TMEM267: variants seen among roughly 807,000 people sequenced by gnomAD.
TMEM267 encodes transmembrane protein 267.
Under a neutral mutation model 19.3 loss-of-function variants are expected in TMEM267, and 20 were observed. That is an observed-to-expected ratio of 1.04 (90% CI 0.73 to 1.51). The LOEUF (loss-of-function observed/expected upper bound fraction) is 1.51, where lower values mean the gene tolerates loss of function less well. Among genes scored for constraint, TMEM267 ranks in the 40% most tolerant of loss-of-function variants. The pLI is 0.00. For synonymous variants in TMEM267, 88 were observed against 90.3 expected (o/e 0.97, Z 0.15); for missense variants, 242 against 261.9 (o/e 0.92, Z 0.52).
intron 2 of TMEM267, among the ~76,000 whole-genome samples, chr5:43,448,725 G>C (rs149344711): frequency 6.6e-6 from 1 of 151,814 alleles, no homozygotes; most frequent in African/African-American, 2.4e-5. Context: ...GAGGTGAGCT[G>C]AGATCATACC....
Position 43,453,935 on chromosome 5 carries a change from A to G in TMEM267, c.35T>C (p.Leu12Pro), listed in dbSNP as rs763098840. Residue 12 changes from leucine to proline, a missense_variant, in exon 2 of 3, where the codon CTG (leucine) becomes CCG (proline). Transcript: ENST00000397080. ...ASETEKTHAL[L>P]QTCSTESLIS... The stretch of plus-strand genomic sequence containing the variant: ...AAGAGATTCAGTGCTACAAGTCTGC[A>G]GTAAAGCATGGGTCTTTTCAGTCTC... 3.1e-6 allele frequency: 5 copies of G among 1,614,104 alleles called. No homozygotes were observed. In the South Asian group the frequency reaches 4.4e-5, roughly 14 times the overall value.
intron 2 of TMEM267, among the ~76,000 whole-genome samples, chr5:43,448,464 G>A (rs532203612): frequency 6.6e-6 from 1 of 152,206 alleles, no homozygotes; most frequent in Admixed American, 6.6e-5. Flanking sequence ...GCTAGTATAG[G>A]AGGAAAATCA....
chr5:43,449,365 T>C (rs971744436), intron 2 of TMEM267, among the ~76,000 whole-genome samples: 1 of 152,018 alleles, frequency 6.6e-6, no homozygotes, highest in Non-Finnish European at 1.5e-5. Flanking sequence ...ATAGCTGAAA[T>C]AGAATACAGG....
chr5:43,451,349 C>T (rs1742576885), intron 2 of TMEM267, among the ~76,000 whole-genome samples: 1 of 151,960 alleles, frequency 6.6e-6, no homozygotes, highest in Admixed American at 6.6e-5. Flanking sequence ...AAGTAGGGTT[C>T]ATTTGAAAAA....
chr5:43,471,731 G>A (rs963448302), intron 1 of TMEM267, among the ~76,000 whole-genome samples: 2 of 152,170 alleles, frequency 1.3e-5, no homozygotes, highest in Non-Finnish European at 2.9e-5. Context: ...GGGAAAACTA[G>A]ATATCTATAT....
intron 2 of TMEM267, among the ~76,000 whole-genome samples, chr5:43,452,889 A>G (rs1742697987): frequency 6.6e-6 from 1 of 152,214 alleles, no homozygotes; most frequent in Non-Finnish European, 1.5e-5. Context: ...GTTCTAGGCC[A>G]GGGGTGAATG....
At chr5:43,466,476 C>G (rs981464065) in intron 1 of TMEM267, among the ~76,000 whole-genome samples, 5 of 152,108 alleles carry the variant, frequency 3.3e-5, no homozygotes, top group Non-Finnish European at 5.9e-5. Flanking sequence ...TAAATCAACA[C>G]TAGACCTGTC....
chr5:43,468,798 A>G (rs926171098), intron 1 of TMEM267, among the ~76,000 whole-genome samples: 3 of 152,252 alleles, frequency 2.0e-5, no homozygotes, highest in African/African-American at 7.2e-5. Context: ...TCCTCAGCAC[A>G]TGGATATTCT....
At chr5:43,452,385 G>A (rs1029298552) in intron 2 of TMEM267, among the ~76,000 whole-genome samples, 2 of 152,062 alleles carry the variant, frequency 1.3e-5, no homozygotes, top group African/African-American at 2.4e-5. Context: ...ACTTGTAAGC[G>A]AGAGCTAAAC....
At chr5:43,459,940 TTAAA>T (rs1396395600) in intron 1 of TMEM267, among the ~76,000 whole-genome samples, 1 of 152,164 alleles carries the variant, frequency 6.6e-6, no homozygotes, top group Non-Finnish European at 1.5e-5. Flanking sequence ...TAATATATAA[TTAAA>T]TAATTACACA....
chr5:43,477,635 T>C (rs1035755647), intron 1 of TMEM267, among the ~76,000 whole-genome samples: 1 of 149,686 alleles, frequency 6.7e-6, no homozygotes, highest in African/African-American at 2.5e-5. Context: ...ACTGGTCCGA[T>C]GAAGATCTCC....
intron 1 of TMEM267, among the ~76,000 whole-genome samples, chr5:43,467,146 CAAAA>C (rs70994698): frequency 2.4e-4 from 12 of 49,012 alleles, no homozygotes; most frequent in African/African-American, 5.5e-4. Context: ...GAGACTCTGT[CAAAA>C]AAAAAAAAAA....
chr5:43,480,578 C>A (rs1385257422), intron 1 of TMEM267, among the ~76,000 whole-genome samples: 1 of 151,876 alleles, frequency 6.6e-6, no homozygotes, highest in Non-Finnish European at 1.5e-5. Flanking sequence ...CTGTCTCAGC[C>A]TCCCAAAGCA....
At chr5:43,477,816 A>G (rs1169298559) in intron 1 of TMEM267, among the ~76,000 whole-genome samples, 1 of 152,224 alleles carries the variant, frequency 6.6e-6, no homozygotes, top group Non-Finnish European at 1.5e-5. Context: ...CTGATTGGCT[A>G]AGTCTAGGTC....
chr5:43,477,996 T>C (rs1035784958), intron 1 of TMEM267, among the ~76,000 whole-genome samples: 3 of 152,230 alleles, frequency 2.0e-5, no homozygotes, highest in Admixed American at 6.5e-5. Context: ...TGACTTACGA[T>C]GGGTTTATCA....
At chr5:43,475,884 G>A (rs1263739786) in intron 1 of TMEM267, among the ~76,000 whole-genome samples, 2 of 152,186 alleles carry the variant, frequency 1.3e-5, no homozygotes, top group African/African-American at 4.8e-5. Context: ...ATTAAAAGAT[G>A]AAAAAGATCA....
rs931358139 is a variant in TMEM267, at chr5:43,468,257, G to A, written c.-74-14214C>T. Among the ~76,000 whole-genome samples the A allele has an allele frequency of 5.9e-5, 9 of 152,298 alleles. No homozygotes were observed. The South Asian group carries it at 6.2e-4, about 11-fold the overall frequency. ...AAGACTATTACAAGGTGAAAGACGC[G>A]GGGCTTTGGGCATTATCAATCAGAT... On this transcript the variant is annotated intron_variant, in intron 1 of 2. Transcript: ENST00000397080.
At chr5:43,458,565 G>A (rs1433380720) in intron 1 of TMEM267, among the ~76,000 whole-genome samples, 2 of 152,110 alleles carry the variant, frequency 1.3e-5, no homozygotes, top group Admixed American at 6.5e-5. Flanking sequence ...GGTAAGGGAC[G>A]CATATGTTCA....
At chr5:43,472,183 T>C (rs1475142324) in intron 1 of TMEM267, among the ~76,000 whole-genome samples, 2 of 152,160 alleles carry the variant, frequency 1.3e-5, no homozygotes, top group Non-Finnish European at 2.9e-5. Context: ...AACAGGCATA[T>C]GTAAAGGTGC....
Sources: gnomAD v4.1 joint callset for allele counts (sites outside exome capture counted in the v4.1 genomes callset) on GRCh38, gnomAD v4.1.1 for gene constraint, MANE v1.5 for transcripts, NCBI Gene and HGNC (gene_info 2026-07-23, HGNC 2026-07-21) for gene names.